Variants in KDM6B observed in about 807,000 individuals in gnomAD.
KDM6B encodes the protein lysine demethylase 6B, also known as lysine-specific demethylase 6B.
A neutral mutation model predicts 150.4 loss-of-function variants in KDM6B; 22 were observed. That is an observed-to-expected ratio of 0.15 (90% CI 0.10 to 0.21). The LOEUF (loss-of-function observed/expected upper bound fraction) is 0.21, where lower values mean the gene tolerates loss of function less well. Among genes scored for constraint, KDM6B ranks in the 10% least tolerant of loss-of-function variants. KDM6B has a pLI of 1.00. For synonymous variants in KDM6B, 1,148 were observed against 921.1 expected (o/e 1.25, Z -4.46); for missense variants, 1,984 against 2,234.3 (o/e 0.89, Z 2.26).
chr17:7,847,919 C>T lies in KDM6B; in HGVS notation c.1631C>T (p.Pro544Leu). ...GGCACTCAGGATTCTCACACCCCTC[C>T]CACTCCCCCAACCCCAACCACCAGC... ...SVGTQDSHTP[P>L]TPPTPTTSSS... Residue 544 changes from proline to leucine, a missense_variant, in exon 12 of 24, where the codon CCC (proline) becomes CTC (leucine). This residue lies in a region of KDM6B where 1,379 missense variants were observed against 1,275.6 expected (regional missense o/e 1.08). Coordinates refer to ENST00000448097, the MANE Select transcript of KDM6B (RefSeq NM_001348716.2). The T allele has an allele frequency of 6.2e-7, 1 of 1,611,720 alleles. No homozygotes were observed. The highest frequency in any genetic ancestry group is 1.7e-5 in the Admixed American group (1 of 59,920).
chr17:7,846,164 G>A lies in KDM6B; in HGVS notation c.323G>A (p.Gly108Glu). ...QALLREPAQP[G>E]LWEQLGQLYE... ...TTGCTCCGGGAGCCAGCCCAGCCAGGGCTTTGGGAACAGCTTGGGCAACTG... is the reference window on the plus strand; with the variant it reads ...TTGCTCCGGGAGCCAGCCCAGCCAGAGCTTTGGGAACAGCTTGGGCAACTG... Residue 108 changes from glycine to glutamate, a missense_variant, in exon 7 of 24, where the codon GGG (glycine) becomes GAG (glutamate). By Grantham distance (98) the Gly-to-Glu change is moderately conservative (BLOSUM62 -2). Around this residue, in one of 13 missense-constraint regions of KDM6B, gnomAD observed 337 missense variants for 323.9 expected, o/e 1.04. Transcript: ENST00000448097. 1 of 1,614,044 alleles carries A rather than the reference G, an allele frequency of 6.2e-7. No homozygotes were observed. The highest frequency in any genetic ancestry group is 8.5e-7 in the Non-Finnish European group (1 of 1,179,982).
rs776490738 is a variant in KDM6B at position 7,851,607 on chromosome 17, G to A, written c.4017-41G>A. On this transcript the variant is annotated intron_variant, in intron 17 of 23. Transcript: ENST00000448097. ...AGGAGTGCTGCTAGGACCTCGTGGCGGGGGCGGGGTGTAGCCTCTCGTCGC... is the reference window on the plus strand; with the variant it reads ...AGGAGTGCTGCTAGGACCTCGTGGCAGGGGCGGGGTGTAGCCTCTCGTCGC... 17 of 1,605,938 alleles carry A rather than the reference G, an allele frequency of 1.1e-5. No homozygotes were observed. In the East Asian group the frequency reaches 2.5e-4, roughly 23 times the overall value.
In KDM6B at chr17:7,852,156, G is replaced by A; in HGVS notation, c.4288G>A (p.Val1430Met). 6.2e-7 allele frequency: 1 copy of A among 1,614,072 alleles called. No homozygotes were observed. The highest frequency in any genetic ancestry group is 8.5e-7 in the Non-Finnish European group (1 of 1,180,032). The change falls in exon 20 of 24, where the codon GTG becomes ATG. Residue 1430 changes from valine (V) to methionine (M), a missense_variant. This residue lies in a region of KDM6B where 41 missense variants were observed against 158.8 expected (regional missense o/e 0.26). Coordinates refer to ENST00000448097, the MANE Select transcript of KDM6B (RefSeq NM_001348716.2). ...TISAFCDRHG[V>M]DYLTGSWWPI... is the part of the protein sequence containing the mutation. ...CCTGTGGCCACCCCGCAGGCACGGCGTGGACTACTTGACGGGTTCCTGGTG... is the reference window on the plus strand; with the variant it reads ...CCTGTGGCCACCCCGCAGGCACGGCATGGACTACTTGACGGGTTCCTGGTG...
intron 2 of KDM6B, among the ~76,000 whole-genome samples, chr17:7,842,208 G>C (rs1263569155): frequency 6.6e-6 from 1 of 152,098 alleles, no homozygotes; most frequent in Non-Finnish European, 1.5e-5. Context: ...GTTCTCTCTT[G>C]GGGCTCCAGC....
Position 7,847,557 on chromosome 17 carries a change from C to T in KDM6B, c.1269C>T (p.Asp423=). Residue 423 remains aspartate (D), a synonymous_variant, in exon 12 of 24, where the codon GAC becomes GAT. Coordinates refer to ENST00000448097, the MANE Select transcript of KDM6B (RefSeq NM_001348716.2). The part of the protein sequence containing the change: ...VEPNPGIPGA[D]HYQTPALEVS... ...TTCTACACTTGCAGCCCGGCGCTGACCATTACCAAACTCCCGCGCTGGAGG... is the reference window on the plus strand; with the variant it reads ...TTCTACACTTGCAGCCCGGCGCTGATCATTACCAAACTCCCGCGCTGGAGG... 1 of 1,613,390 alleles carries T rather than the reference C, an allele frequency of 6.2e-7. No individual in the cohort carries two copies. The highest frequency in any genetic ancestry group is 8.5e-7 in the Non-Finnish European group (1 of 1,179,948).
rs1212855700 is a variant in KDM6B, at chr17:7,850,063, A to C, written c.3568-9A>C. The C allele has an allele frequency of 6.2e-7, 1 of 1,613,718 alleles. No individual in the cohort carries two copies. The highest frequency in any genetic ancestry group is 8.5e-7 in the Non-Finnish European group (1 of 1,179,920). ...GGCTCTGACCCCAGCTCTCCTGGTC[A>C]TGTCTCAGCTGGAGAGCAAACGGGA... On this transcript the variant is annotated splice_polypyrimidine_tract_variant and intron_variant, in intron 13 of 23. Coordinates refer to ENST00000448097, the MANE Select transcript of KDM6B (RefSeq NM_001348716.2).
Position 7,854,264 on chromosome 17 carries a change from A to T in KDM6B, c.*743A>T, listed in dbSNP as rs1403936078. On this transcript the variant is annotated 3_prime_UTR_variant, in exon 24 of 24. Coordinates refer to ENST00000448097, the MANE Select transcript of KDM6B (RefSeq NM_001348716.2). ...CGCCCGCGGCTCCAGCCGGGTTCTC[A>T]TGGTGCTCAAACCCGCTCCCCTCCC... 6.6e-6 allele frequency: 1 copy of T among 151,804 alleles called. No individual in the cohort carries two copies. The highest frequency in any genetic ancestry group is 1.5e-5 in the Non-Finnish European group (1 of 67,914). The allele number at this position is 151,804 out of a possible 1,614,324, so 9.4% of individuals were successfully genotyped here.
Position 7,843,005 on chromosome 17 carries a change from T to G in KDM6B, c.-268-1896T>G, listed in dbSNP as rs570862356. On this transcript the variant is annotated intron_variant, in intron 2 of 23. Coordinates refer to ENST00000448097, the MANE Select transcript of KDM6B (RefSeq NM_001348716.2). This position sits in a 1 kb window ranked among gnomAD's most constrained non-coding sequence, Gnocchi z 4.5. ...GTGAGGGCTTTGTATTCTTGGGTGC[T>G]GGCGTGGGGCTTTGTGGATAAAGGT... 7.3e-5 allele frequency among the ~76,000 whole-genome samples: 11 copies of G among 149,702 alleles called. No individual in the cohort carries two copies. The South Asian group carries it at 2.3e-3, about 31-fold the overall frequency.
intron 9 of KDM6B, 25 bp from the exon 10 acceptor site, chr17:7,846,794 A>T (rs371476880): frequency 7.6e-5 from 122 of 1,613,392 alleles, no homozygotes; most frequent in Non-Finnish European, 1.0e-4. Context: ...TGGGAATGGG[A>T]TTCTCACACT....
intron 1 of KDM6B, among the ~76,000 whole-genome samples, chr17:7,839,116 G>A (rs1245991784): frequency 1.3e-5 from 2 of 152,130 alleles, no homozygotes; most frequent in Non-Finnish European, 2.9e-5. Context: ...CCTGAGGAGC[G>A]AGTCTGAGGT....
Position 7,845,369 on chromosome 17 carries a change from G to T in KDM6B, c.-93G>T. On this transcript the variant is annotated 5_prime_UTR_variant, in exon 4 of 24. Transcript: ENST00000448097. ...CTGGGGGTAGCGGGCACTCTTATCA[G>T]AGCGGCTGGAGCCGGACCATCGTCC... The T allele has an allele frequency of 2.7e-6, 2 of 736,252 alleles. No homozygotes were observed. The highest frequency in any genetic ancestry group is 1.5e-5 in the South Asian group (1 of 65,392). The allele number at this position is 736,252 out of a possible 1,614,324, so 45.6% of individuals were successfully genotyped here.
At position 7,847,418 on chromosome 17, in the gene KDM6B, C is replaced by G; in HGVS notation, c.1223C>G (p.Thr408Ser). The stretch of plus-strand genomic sequence containing the variant: ...AGCAGCAGTAGCAGCAGCAGCAACA[C>G]TGGTCTCCGGGGCGTGGAGCCGAAC... ...TSSSSSSSSN[T>S]GLRGVEPNPG... The change falls in exon 11 of 24, where the codon ACT (threonine) becomes AGT (serine). Residue 408 changes from threonine (T) to serine (S), a missense_variant. By Grantham distance (58) the Thr-to-Ser change is moderately conservative. Transcript: ENST00000448097. 2 of 1,613,624 alleles carry G rather than the reference C, an allele frequency of 1.2e-6. No individual in the cohort carries two copies. Among genetic ancestry groups the G allele is most frequent in the Middle Eastern group, 3.3e-4 (2 of 6,062 alleles).
intron 1 of KDM6B, among the ~76,000 whole-genome samples, chr17:7,834,615 C>T (rs2078293504): frequency 7.4e-6 from 1 of 134,530 alleles, no homozygotes; most frequent in African/African-American, 2.5e-5. Context: ...GGCTGGGATT[C>T]CCCTTCCCGA....
rs2078625503 is a variant in KDM6B at position 7,848,836 on chromosome 17, C to T, written c.2548C>T (p.Pro850Ser). The T allele has an allele frequency of 6.2e-7, 1 of 1,612,390 alleles. No individual in the cohort carries two copies. The highest frequency in any genetic ancestry group is 1.3e-5 in the African/African-American group (1 of 74,924). The change falls in exon 12 of 24, where the codon CCC (proline) becomes TCC (serine). Residue 850 changes from proline (P) to serine (S), a missense_variant. Pro to Ser is a moderately conservative substitution (Grantham distance 74). Around this residue, in one of 13 missense-constraint regions of KDM6B, gnomAD observed 1,379 missense variants for 1,275.6 expected, o/e 1.08. Transcript: ENST00000448097. ...CCCATCAGGTGCTACCGCCCTGCCG[C>T]CCACCTCAGCGGCCCCTAGCGCCCA... ...GPPSGATALP[P>S]TSAAPSAQGS...
Position 7,849,068 on chromosome 17 carries a change from G to C in KDM6B, c.2780G>C (p.Arg927Pro). 1 of 1,612,250 alleles carries C rather than the reference G, an allele frequency of 6.2e-7. No homozygotes were observed. ...CGGGCTTGCGAGACCCTTGTGGAGCGGGTGGGCCGGAGTGCCACTGACCCA... is the reference window on the plus strand; with the variant it reads ...CGGGCTTGCGAGACCCTTGTGGAGCCGGTGGGCCGGAGTGCCACTGACCCA... ...ISRACETLVE[R>P]VGRSATDPAD... The change falls in exon 12 of 24, where the codon CGG becomes CCG. Residue 927 changes from arginine to proline, a missense_variant. Arg to Pro is a moderately radical substitution (Grantham distance 103). Around this residue, in one of 13 missense-constraint regions of KDM6B, gnomAD observed 1,379 missense variants for 1,275.6 expected, o/e 1.08. Transcript: ENST00000448097.
chr17:7,838,038 T>C (rs2078357180), intron 1 of KDM6B, among the ~76,000 whole-genome samples: 1 of 151,908 alleles, frequency 6.6e-6, no homozygotes, highest in South Asian at 2.1e-4. Flanking sequence ...TAGCTAAGAC[T>C]ATTCCGTGGG....
At position 7,847,831 on chromosome 17, in the gene KDM6B, G is replaced by GCCCCCCC; in HGVS notation, c.1547_1548insCCCCCCC (p.Leu519ThrfsTer38). 3 of 880,396 alleles carry GCCCCCCC rather than the reference G, an allele frequency of 3.4e-6. No homozygotes were observed. The highest frequency in any genetic ancestry group is 4.4e-6 in the Non-Finnish European group (3 of 676,904). The allele number at this position is 880,396 out of a possible 1,614,324, so 54.5% of individuals were successfully genotyped here. A position where few individuals can be genotyped will look rare whatever the true frequency, so the allele number is the denominator to read the frequency against. On this transcript the variant is annotated frameshift_variant, in exon 12 of 24. Transcript: ENST00000448097. LOFTEE classifies it high-confidence loss of function. The stretch of plus-strand genomic sequence containing the variant: ...TGGGACTGAGGGACCCCCCCGCCCT[G>GCCCCCCC]CCCCACCACCCCTCCCCCATCGCGA...
rs891229269 is a variant in KDM6B, at chr17:7,843,679, C to T, written c.-268-1222C>T. Among the ~76,000 whole-genome samples the T allele has an allele frequency of 6.6e-6, 1 of 151,988 alleles. No homozygotes were observed. The highest frequency in any genetic ancestry group is 2.1e-4 in the South Asian group (1 of 4,820). On this transcript the variant is annotated intron_variant, in intron 2 of 23. Coordinates refer to ENST00000448097, the MANE Select transcript of KDM6B (RefSeq NM_001348716.2). This position sits in a 1 kb window ranked among gnomAD's most constrained non-coding sequence, Gnocchi z 4.5. Reference sequence around the variant, plus strand: ...TGCCCGGCGCTCGCTCCAGCTGGAGCGCTGGCCCCGCCCCCGCGGCTTTGT... The same window carrying T: ...TGCCCGGCGCTCGCTCCAGCTGGAGTGCTGGCCCCGCCCCCGCGGCTTTGT...
At chr17:7,850,326 C>T (rs2078666050) in intron 14 of KDM6B, 149 bp downstream of exon 14, 1 of 654,326 alleles carries the variant, frequency 1.5e-6, no homozygotes, top group Non-Finnish European at 2.7e-6. Flanking sequence ...GCTCTTCTCC[C>T]ATCTGTCTGT....
Sources: allele counts gnomAD v4.1 joint callset (sites outside exome capture counted in the v4.1 genomes callset), GRCh38; gene constraint gnomAD v4.1.1; regional missense constraint gnomAD v4.1.1; non-coding constraint Gnocchi (gnomAD v3.1); transcripts MANE v1.5; gene names NCBI Gene and HGNC (gene_info 2026-07-23, HGNC 2026-07-21).